The following GPC5 variants were observed in gnomAD, a reference collection of about 807,000 sequenced individuals.
GPC5 encodes the protein glypican 5, also known as glypican-5.
Under a neutral mutation model 53.9 loss-of-function variants are expected in GPC5, and 47 were observed. The observed-to-expected ratio is 0.87, with a 90% CI of 0.69 to 1.11. GPC5 has a LOEUF of 1.11. GPC5 is among the 50% of genes most tolerant of loss of function. The probability of loss-of-function intolerance (pLI) is 0.00; values close to 1 mark genes in which losing one functional copy is unlikely to be tolerated. For synonymous variants in GPC5, 286 were observed against 263.3 expected (o/e 1.09, Z -0.84); for missense variants, 748 against 713.1 (o/e 1.05, Z -0.56).
At chr13:92,771,509 AT>A (rs1177952756) in intron 7 of GPC5, among the ~76,000 whole-genome samples, 1 of 151,600 alleles carries the variant, frequency 6.6e-6, no homozygotes, top group African/African-American at 2.4e-5. Flanking sequence ...TGCCCGGCTA[AT>A]TTTTTTGCAT....
intron 6 of GPC5, among the ~76,000 whole-genome samples, chr13:91,987,119 T>C (rs2040415390): frequency 6.6e-6 from 1 of 152,238 alleles, no homozygotes; most frequent in Non-Finnish European, 1.5e-5. Flanking sequence ...TGGCAAGGAA[T>C]GTGTTTCCTT....
intron 6 of GPC5, among the ~76,000 whole-genome samples, chr13:92,100,771 T>C (rs2041460120): frequency 6.6e-6 from 1 of 152,160 alleles, no homozygotes; most frequent in Non-Finnish European, 1.5e-5. Context: ...AGTTAGAAAC[T>C]ATAATTGAAA....
chr13:92,855,309 G>C (rs778865753), intron 7 of GPC5, among the ~76,000 whole-genome samples: 1 of 151,848 alleles, frequency 6.6e-6, no homozygotes, highest in Non-Finnish European at 1.5e-5. Context: ...TTATTTAAGT[G>C]GTTAACTTTG....
chr13:92,777,604 C>G (rs373875037), intron 7 of GPC5, among the ~76,000 whole-genome samples: 1 of 151,826 alleles, frequency 6.6e-6, no homozygotes, highest in African/African-American at 2.4e-5. Flanking sequence ...GGCAATAGAG[C>G]GAGACTCCGT....
intron 7 of GPC5, among the ~76,000 whole-genome samples, chr13:92,813,170 G>T (rs1456429783): frequency 6.6e-6 from 1 of 151,760 alleles, no homozygotes; most frequent in Non-Finnish European, 1.5e-5. Flanking sequence ...AATTCTGGCT[G>T]GTCAGAACCC....
At chr13:92,008,125 C>G (rs1475592088) in intron 6 of GPC5, among the ~76,000 whole-genome samples, 2 of 147,670 alleles carry the variant, frequency 1.4e-5, no homozygotes, top group African/African-American at 2.5e-5. Context: ...TGCAGTGGCG[C>G]AATCTCGGCT....
At chr13:92,608,475 T>G (rs1198815060) in intron 7 of GPC5, among the ~76,000 whole-genome samples, 4 of 152,224 alleles carry the variant, frequency 2.6e-5, no homozygotes, top group Non-Finnish European at 5.9e-5. Flanking sequence ...TCTAGCCTTA[T>G]TAGTTTAAAA....
At chr13:91,778,494 C>T (rs766976364) in intron 5 of GPC5, among the ~76,000 whole-genome samples, 6 of 152,162 alleles carry the variant, frequency 3.9e-5, no homozygotes, top group Admixed American at 1.3e-4. Context: ...CTGGGCTCCT[C>T]GCCACCCATT....
intron 7 of GPC5, among the ~76,000 whole-genome samples, chr13:92,640,146 GTGTA>G (rs111712811): frequency 0.018 from 2,690 of 151,930 alleles, 84 homozygotes; most frequent in African/African-American, 0.061. Flanking sequence ...ATATACACGT[GTGTA>G]TGTATGTGTA....
At chr13:91,581,549 C>T (rs998801114) in intron 2 of GPC5, among the ~76,000 whole-genome samples, 4 of 152,210 alleles carry the variant, frequency 2.6e-5, no homozygotes, top group East Asian at 1.9e-4. Flanking sequence ...ACTGCTTGTG[C>T]CATAACTAAT....
At chr13:92,781,560 T>C (rs1876024696) in intron 7 of GPC5, among the ~76,000 whole-genome samples, 2 of 152,266 alleles carry the variant, frequency 1.3e-5, no homozygotes, top group South Asian at 4.1e-4. Context: ...AGTTCATATA[T>C]ATAAACAGGA....
At chr13:91,769,164 G>T (rs1566673420) in intron 5 of GPC5, among the ~76,000 whole-genome samples, 1 of 152,168 alleles carries the variant, frequency 6.6e-6, no homozygotes, top group South Asian at 2.1e-4. Flanking sequence ...TGAGTCCAAA[G>T]GTGGTCTGAA....
chr13:92,526,289 G>A (rs1305924094), intron 7 of GPC5, among the ~76,000 whole-genome samples: 1 of 152,070 alleles, frequency 6.6e-6, no homozygotes, highest in Non-Finnish European at 1.5e-5. Context: ...GGCCAATTAG[G>A]TCGTCAGTGA....
intron 6 of GPC5, among the ~76,000 whole-genome samples, chr13:92,074,547 T>G (rs946577267): frequency 2.0e-5 from 3 of 152,176 alleles, no homozygotes; most frequent in African/African-American, 7.2e-5. Flanking sequence ...TGGCCAGTAA[T>G]GAAAACTTGT....
chr13:92,519,891 TAAAAA>T (rs2138966478), intron 7 of GPC5, among the ~76,000 whole-genome samples: 1 of 147,496 alleles, frequency 6.8e-6, no homozygotes, highest in African/African-American at 2.6e-5. Context: ...GCAAGACTAA[TAAAAA>T]AGAAAAGAGA....
At chr13:92,416,588 A>G (rs1352784909) in intron 7 of GPC5, among the ~76,000 whole-genome samples, 15 of 152,236 alleles carry the variant, frequency 9.9e-5, no homozygotes, top group Admixed American at 9.8e-4. Context: ...TGTATCATAA[A>G]CATAAAGTAG....
chr13:91,765,597 C>T (rs1243015795), intron 5 of GPC5, among the ~76,000 whole-genome samples: 1 of 152,202 alleles, frequency 6.6e-6, no homozygotes, highest in African/African-American at 2.4e-5. Flanking sequence ...GATATTTTCC[C>T]AATCTTTCAG....
chr13:92,725,413 T>C (rs920818494), intron 7 of GPC5, among the ~76,000 whole-genome samples: 3 of 151,496 alleles, frequency 2.0e-5, no homozygotes, highest in South Asian at 2.1e-4. Context: ...CTAAACAACA[T>C]TTATGACTTG....
At chr13:92,182,775 G>A (rs1302922093) in intron 7 of GPC5, among the ~76,000 whole-genome samples, 3 of 152,008 alleles carry the variant, frequency 2.0e-5, no homozygotes. Context: ...AGGCTGAGGC[G>A]GGAGAATGGC....
Sources: gnomAD v4.1 joint callset for allele counts (sites outside exome capture counted in the v4.1 genomes callset) on GRCh38, gnomAD v4.1.1 for gene constraint, MANE v1.5 for transcripts, NCBI Gene and HGNC (gene_info 2026-07-23, HGNC 2026-07-21) for gene names.